ANGPT1: variants seen among roughly 807,000 people sequenced by gnomAD.
ANGPT1 encodes the protein angiopoietin-1.
A neutral mutation model predicts 62.2 loss-of-function variants in ANGPT1; 17 were observed. The observed-to-expected ratio is 0.27, with a 90% confidence interval of 0.19 to 0.41. ANGPT1 has a LOEUF of 0.41. Ranked by LOEUF, ANGPT1 falls within the 10% of genes least tolerant of loss-of-function variation. ANGPT1 has a pLI of 1.00. For synonymous variants in ANGPT1, 199 were observed against 198.9 expected (o/e 1.00, Z 0.00); for missense variants, 478 against 594.9 (o/e 0.80, Z 2.04).
At chr8:107,381,473 C>A (rs1182557327) in intron 1 of ANGPT1, among the ~76,000 whole-genome samples, 1 of 152,144 alleles carries the variant, frequency 6.6e-6, no homozygotes, top group Non-Finnish European at 1.5e-5. Context: ...AATTGGATAT[C>A]TTTGAAAGAG....
At chr8:107,282,285 G>A (rs1214616294) in intron 7 of ANGPT1, among the ~76,000 whole-genome samples, 1 of 151,562 alleles carries the variant, frequency 6.6e-6, no homozygotes. Flanking sequence ...GGTCCCTGCA[G>A]GAAAGAGGCC....
intron 1 of ANGPT1, among the ~76,000 whole-genome samples, chr8:107,437,342 A>G (rs546111572): frequency 6.6e-6 from 1 of 152,322 alleles, no homozygotes; most frequent in East Asian, 1.9e-4. Context: ...CCGTAGGTCT[A>G]GCCTGTTATA....
At chr8:107,266,751 A>G (rs562968155) in intron 7 of ANGPT1, among the ~76,000 whole-genome samples, 296 of 152,272 alleles carry the variant, frequency 1.9e-3, no homozygotes, top group African/African-American at 6.6e-3. Flanking sequence ...GATTTTCTAT[A>G]GTGTCTTTGC....
At chr8:107,391,117 A>G (rs1018743262) in intron 1 of ANGPT1, among the ~76,000 whole-genome samples, 1 of 152,174 alleles carries the variant, frequency 6.6e-6, no homozygotes, top group African/African-American at 2.4e-5. Flanking sequence ...AATTACTACT[A>G]AAGACTTACT....
At chr8:107,472,082 C>A (rs1292912154) in intron 1 of ANGPT1, among the ~76,000 whole-genome samples, 1 of 151,900 alleles carries the variant, frequency 6.6e-6, no homozygotes, top group Non-Finnish European at 1.5e-5. Flanking sequence ...GAAATAATGT[C>A]CCTAAATTGA....
intron 8 of ANGPT1, among the ~76,000 whole-genome samples, chr8:107,259,448 T>A (rs1489501808): frequency 6.6e-6 from 1 of 152,146 alleles, no homozygotes; most frequent in Non-Finnish European, 1.5e-5. Context: ...TTATCCCCTA[T>A]TTAAGGACTG....
intron 1 of ANGPT1, among the ~76,000 whole-genome samples, chr8:107,486,045 C>T (rs1489913203): frequency 6.6e-6 from 1 of 152,100 alleles, no homozygotes; most frequent in Non-Finnish European, 1.5e-5. Flanking sequence ...AGCAACAGAG[C>T]CTACAGTGCC....
At chr8:107,259,436 C>T (rs1438314242) in intron 8 of ANGPT1, among the ~76,000 whole-genome samples, 2 of 152,106 alleles carry the variant, frequency 1.3e-5, no homozygotes, top group African/African-American at 4.8e-5. Flanking sequence ...ACGTGTATGG[C>T]TTTATCCCCT....
At chr8:107,484,875 A>G (rs569157089) in intron 1 of ANGPT1, among the ~76,000 whole-genome samples, 1 of 152,332 alleles carries the variant, frequency 6.6e-6, no homozygotes, top group South Asian at 2.1e-4. Flanking sequence ...GTACAACTAA[A>G]CATGAGAGGT....
Position 107,282,553 on chromosome 8 carries a change from C to CATATGT in ANGPT1, c.1205+2128_1205+2129insACATAT, listed in dbSNP as rs1814037439. On this transcript the variant is annotated intron_variant, in intron 7 of 8. Coordinates refer to ENST00000517746, the MANE Select transcript of ANGPT1 (RefSeq NM_001146.5). ...TTATATATATATTACATATATGAAC[C>CATATGT]ATATATATATATATATATATATATA... Among the ~76,000 whole-genome samples, 5 of 51,076 alleles carry CATATGT rather than the reference C, an allele frequency of 9.8e-5. No individual in the cohort carries two copies. The South Asian group carries it at 4.4e-3, about 44-fold the overall frequency. The allele number at this position is 51,076 out of a possible 152,430, so 33.5% of individuals were successfully genotyped here.
chr8:107,273,178 G>A (rs1563544372), intron 7 of ANGPT1, among the ~76,000 whole-genome samples: 3 of 151,982 alleles, frequency 2.0e-5, no homozygotes, highest in South Asian at 4.2e-4. Flanking sequence ...ACAAATTCTC[G>A]GGAGGTAGAT....
chr8:107,293,846 C>T (rs755238833), intron 6 of ANGPT1, 90 bp downstream of exon 6: 20 of 962,840 alleles, frequency 2.1e-5, no homozygotes, highest in Admixed American at 1.1e-4. Flanking sequence ...AACTCAAAAC[C>T]ACCTAAAAAT....
At chr8:107,257,180 A>T (rs1053043077) in intron 8 of ANGPT1, among the ~76,000 whole-genome samples, 1 of 152,188 alleles carries the variant, frequency 6.6e-6, no homozygotes, top group African/African-American at 2.4e-5. Context: ...TAAGGTTGGC[A>T]ACTGCTGAGA....
At chr8:107,491,497 T>C (rs1170539505) in intron 1 of ANGPT1, among the ~76,000 whole-genome samples, 4 of 152,190 alleles carry the variant, frequency 2.6e-5, no homozygotes, top group African/African-American at 9.7e-5. Context: ...TAGGTAATGG[T>C]GCTCAGAGAC....
At chr8:107,426,354 T>C (rs998841238) in intron 1 of ANGPT1, among the ~76,000 whole-genome samples, 3 of 152,218 alleles carry the variant, frequency 2.0e-5, no homozygotes, top group Non-Finnish European at 2.9e-5. Flanking sequence ...TCTGGATGAT[T>C]AATCAGCATT....
At chr8:107,298,584 G>A (rs969592813) in intron 5 of ANGPT1, among the ~76,000 whole-genome samples, 26 of 151,846 alleles carry the variant, frequency 1.7e-4, no homozygotes, top group African/African-American at 4.8e-4. Flanking sequence ...CTAGAAAACC[G>A]TCTTTGGCTT....
At chr8:107,413,750 A>G (rs1810654398) in intron 1 of ANGPT1, among the ~76,000 whole-genome samples, 1 of 151,938 alleles carries the variant, frequency 6.6e-6, no homozygotes, top group Non-Finnish European at 1.5e-5. Flanking sequence ...TTCATGATGG[A>G]AAAATATCAA....
intron 1 of ANGPT1, among the ~76,000 whole-genome samples, chr8:107,463,912 A>G (rs1158996082): frequency 6.6e-6 from 1 of 152,302 alleles, no homozygotes; most frequent in African/African-American, 2.4e-5. Flanking sequence ...AATGCACTAT[A>G]AAATCCAGAC....
At chr8:107,297,011 CT>C (rs1814432085) in intron 5 of ANGPT1, among the ~76,000 whole-genome samples, 1 of 147,928 alleles carries the variant, frequency 6.8e-6, no homozygotes, top group Non-Finnish European at 1.5e-5. Context: ...GGCATCTTAG[CT>C]TTTAAATCAC....
Sources: allele counts gnomAD v4.1 joint callset (sites outside exome capture counted in the v4.1 genomes callset), GRCh38; gene constraint gnomAD v4.1.1; transcripts MANE v1.5; gene names NCBI Gene and HGNC (gene_info 2026-07-23, HGNC 2026-07-21).